The following PDE6A variants were observed in gnomAD, a reference collection of about 807,000 sequenced individuals.
PDE6A encodes the protein phosphodiesterase 6A.
In PDE6A, 84 loss-of-function variants were observed where a neutral mutation model predicts 106.3. The ratio of observed to expected loss-of-function variants is 0.79; its 90% CI spans 0.66 to 0.95. PDE6A has a LOEUF of 0.95. Among genes scored for constraint, PDE6A ranks in the 40% least tolerant of loss-of-function variants. The pLI is 0.00. For synonymous variants in PDE6A, 394 were observed against 386.6 expected (o/e 1.02, Z -0.23); for missense variants, 1,052 against 1,084.9 (o/e 0.97, Z 0.43).
chr5:149,914,882 A>G (rs1417327340), intron 6 of PDE6A, 61 bp downstream of exon 6: 17 of 1,098,882 alleles, frequency 1.5e-5, no homozygotes, highest in Non-Finnish European at 2.4e-5. Context: ...TCACCGATAA[A>G]GCCAATTGAG....
At position 149,889,008 on chromosome 5, in the gene PDE6A, G is replaced by A. The variant is rs531944040; in HGVS notation, c.1729-2634C>T. ...TGAGGCAGGAGAATGGCGTGAACCC[G>A]GGAGGCAGAGCTTGCAATGAGCTGA... On this transcript the variant is annotated intron_variant, in intron 13 of 21. Transcript: ENST00000255266. Among the ~76,000 whole-genome samples the A allele has an allele frequency of 4.2e-5, 6 of 143,798 alleles. No homozygotes were observed. In the East Asian group the frequency reaches 1.2e-3, roughly 29 times the overall value. The allele number at this position is 143,798 out of a possible 152,430, so 94.3% of individuals were successfully genotyped here.
chr5:149,924,810 A>T (rs1753826650), intron 4 of PDE6A, among the ~76,000 whole-genome samples: 3 of 152,158 alleles, frequency 2.0e-5, no homozygotes, highest in African/African-American at 7.2e-5. Context: ...TTTCCTTTTG[A>T]CCCACTTGTT....
intron 8 of PDE6A, among the ~76,000 whole-genome samples, chr5:149,903,160 A>AAC (rs1236054799): frequency 1.3e-5 from 2 of 149,002 alleles, no homozygotes; most frequent in Non-Finnish European, 3.0e-5. Context: ...AAAAAAAAAA[A>AAC]AAAAAAAACA....
chr5:149,890,462 G>A (rs1198659750), intron 13 of PDE6A, among the ~76,000 whole-genome samples: 1 of 152,100 alleles, frequency 6.6e-6, no homozygotes, highest in Non-Finnish European at 1.5e-5. Flanking sequence ...GTATTCTAAA[G>A]ATGTGTTATT....
chr5:149,926,214 G>T (rs552835201), intron 4 of PDE6A, among the ~76,000 whole-genome samples: 6 of 151,932 alleles, frequency 3.9e-5, no homozygotes, highest in African/African-American at 1.4e-4. Flanking sequence ...TGCACTCCAC[G>T]CTGGGCAAAA....
At chr5:149,864,208 T>G (rs1446195160) in intron 20 of PDE6A, among the ~76,000 whole-genome samples, 2 of 151,884 alleles carry the variant, frequency 1.3e-5, no homozygotes, top group East Asian at 3.9e-4. Context: ...ACTCAGTAAA[T>G]ATTTTCTGAG....
At chr5:149,880,744 A>G (rs78807117) in intron 17 of PDE6A, among the ~76,000 whole-genome samples, 12,586 of 152,006 alleles carry the variant, frequency 0.083, 676 homozygotes, top group South Asian at 0.22. Context: ...TAAATAAATA[A>G]CCAAAATGAG....
Position 149,896,728 on chromosome 5 carries a change from C to T in PDE6A, c.1456G>A (p.Glu486Lys). 6.2e-6 allele frequency: 10 copies of T among 1,614,190 alleles called. No individual in the cohort carries two copies. The highest frequency in any genetic ancestry group is 1.6e-4 in the Middle Eastern group (1 of 6,062). ...GKEPWECEEE[E>K]LAEILQAELP... ...CAGCTCACCAGGATCTCAGCCAGCT[C>T]CTCTTCCTCACACTCCCATGGCTCC... is the stretch of plus-strand genomic sequence containing the variant. Residue 486 changes from glutamate (E) to lysine (K), a missense_variant, in exon 11 of 22, where the codon GAG (glutamate) becomes AAG (lysine). Glu to Lys is a moderately conservative substitution (Grantham distance 56). This residue lies in a region of PDE6A where 913 missense variants were observed against 915.2 expected (regional missense o/e 1.00). Transcript: ENST00000255266.
At chr5:149,869,622 C>G (rs944464001) in intron 17 of PDE6A, among the ~76,000 whole-genome samples, 3 of 152,168 alleles carry the variant, frequency 2.0e-5, no homozygotes, top group African/African-American at 7.2e-5. Flanking sequence ...CAGACTGTAT[C>G]TAGCAAGCAG....
At chr5:149,905,736 C>T (rs1753156654) in intron 7 of PDE6A, among the ~76,000 whole-genome samples, 1 of 152,218 alleles carries the variant, frequency 6.6e-6, no homozygotes, top group Non-Finnish European at 1.5e-5. Flanking sequence ...ATTCTTTACC[C>T]CACCTGTCTT....
intron 11 of PDE6A, 66 bp downstream of exon 11, chr5:149,896,645 C>T: frequency 6.2e-7 from 1 of 1,613,840 alleles, no homozygotes; most frequent in Non-Finnish European, 8.5e-7. Flanking sequence ...GGAGAAACCC[C>T]TGCATGCTCA....
chr5:149,910,091 G>T (rs1183127473), intron 6 of PDE6A, among the ~76,000 whole-genome samples: 2 of 152,050 alleles, frequency 1.3e-5, no homozygotes, highest in African/African-American at 4.8e-5. Flanking sequence ...GTTATGAGGT[G>T]CTTGCAAATT....
At chr5:149,895,933 C>T (rs1752732408) in intron 12 of PDE6A, among the ~76,000 whole-genome samples, 1 of 152,198 alleles carries the variant, frequency 6.6e-6, no homozygotes, top group South Asian at 2.1e-4. Context: ...CATATCATAT[C>T]CCACTGCCTC....
rs141612771 is a variant in PDE6A, at chr5:149,926,761, C to T, written c.858+4267G>A. Among the ~76,000 whole-genome samples the T allele has an allele frequency of 7.3e-3, 1,106 of 152,114 alleles. 14 individuals carry two copies. Among genetic ancestry groups the T allele is most frequent in the African/African-American group, 0.025 (1,029 of 41,480 alleles). ...TTGGGAGACTGAGGTGGGTGGATCA[C>T]GAGGTCAGGAGTTCAAGGCCAGCCT... On this transcript the variant is annotated intron_variant, in intron 4 of 21. Transcript: ENST00000255266.
At chr5:149,909,187 G>T (rs1056115145) in intron 6 of PDE6A, among the ~76,000 whole-genome samples, 1 of 151,968 alleles carries the variant, frequency 6.6e-6, no homozygotes, top group African/African-American at 2.4e-5. Flanking sequence ...TTGAGACAGG[G>T]TCTCACTCTG....
At chr5:149,922,320 T>A (rs944755541) in intron 4 of PDE6A, among the ~76,000 whole-genome samples, 2 of 151,352 alleles carry the variant, frequency 1.3e-5, no homozygotes, top group Non-Finnish European at 2.9e-5. Context: ...TTATTATTAT[T>A]ATTATTTTGG....
At chr5:149,896,963 C>T (rs531446596) in intron 10 of PDE6A, among the ~76,000 whole-genome samples, 187 bp from the exon 11 acceptor site, 1 of 152,340 alleles carries the variant, frequency 6.6e-6, no homozygotes, top group East Asian at 1.9e-4. Context: ...CATTCAAATT[C>T]AAGCTCTACC....
At chr5:149,865,440 T>G (rs1317570057) in intron 20 of PDE6A, among the ~76,000 whole-genome samples, 1 of 150,516 alleles carries the variant, frequency 6.6e-6, no homozygotes, top group East Asian at 1.9e-4. Flanking sequence ...AAAAAACTCA[T>G]GTCCTCAATG....
At chr5:149,935,291 A>G (rs1300314753) in intron 1 of PDE6A, among the ~76,000 whole-genome samples, 1 of 151,238 alleles carries the variant, frequency 6.6e-6, no homozygotes, top group Non-Finnish European at 1.5e-5. Context: ...TGTATGTGTA[A>G]CTCCAGAGCC....
Sources: allele counts gnomAD v4.1 joint callset (sites outside exome capture counted in the v4.1 genomes callset), GRCh38; gene constraint gnomAD v4.1.1; regional missense constraint gnomAD v4.1.1; transcripts MANE v1.5; gene names NCBI Gene and HGNC (gene_info 2026-07-23, HGNC 2026-07-21).